Variants in GNAL observed in about 807,000 individuals in gnomAD.
The protein encoded by GNAL is guanine nucleotide-binding protein G(olf) subunit alpha.
A neutral mutation model predicts 55.1 loss-of-function variants in GNAL; 18 were observed. The ratio of observed to expected loss-of-function variants is 0.33; its 90% CI spans 0.23 to 0.48. The LOEUF is 0.48. Among genes scored for constraint, GNAL ranks in the 20% least tolerant of loss-of-function variants. GNAL has a pLI of 0.99. For synonymous variants in GNAL, 253 were observed against 237.0 expected (o/e 1.07, Z -0.62); for missense variants, 412 against 614.1 (o/e 0.67, Z 3.48).
At chr18:11,833,868 G>T (rs2035443506) in intron 5 of GNAL, among the ~76,000 whole-genome samples, 1 of 152,174 alleles carries the variant, frequency 6.6e-6, no homozygotes. Flanking sequence ...GAACTGTATG[G>T]AATGCCACTA....
At chr18:11,779,391 G>A (rs894661693) in intron 4 of GNAL, among the ~76,000 whole-genome samples, 1 of 152,186 alleles carries the variant, frequency 6.6e-6, no homozygotes, top group Non-Finnish European at 1.5e-5. Flanking sequence ...AGGCAGGATG[G>A]AATAGCAGTC....
chr18:11,713,625 C>T (rs1363710816), intron 1 of GNAL, among the ~76,000 whole-genome samples: 3 of 152,116 alleles, frequency 2.0e-5, no homozygotes, highest in Admixed American at 6.5e-5. Flanking sequence ...TGGCCATTGC[C>T]TGTTTATATA....
intron 4 of GNAL, among the ~76,000 whole-genome samples, chr18:11,795,661 C>G (rs1009875015): frequency 6.6e-6 from 1 of 152,154 alleles, no homozygotes; most frequent in Non-Finnish European, 1.5e-5. Flanking sequence ...TGCTTAGATA[C>G]TGAGCATGAT....
At chr18:11,721,804 T>C (rs146627033) in intron 1 of GNAL, among the ~76,000 whole-genome samples, 2,546 of 151,858 alleles carry the variant, frequency 0.017, 55 homozygotes, top group African/African-American at 0.052. Flanking sequence ...ACCTTGGCCT[T>C]GAACCCTGGA....
Position 11,881,444 on chromosome 18 carries a change from T to C in GNAL, c.*309T>C, listed in dbSNP as rs2036689594. Reference sequence around the variant, plus strand: ...CTTTATTGATTCATCGAGGAGAACTTGGTAGATGGGGAGAAAACACAGTTG... The same window carrying C: ...CTTTATTGATTCATCGAGGAGAACTCGGTAGATGGGGAGAAAACACAGTTG... On this transcript the variant is annotated 3_prime_UTR_variant, in exon 12 of 12. Coordinates refer to ENST00000334049, the MANE Select transcript of GNAL (RefSeq NM_182978.4). This position sits in a 1 kb window ranked among gnomAD's most constrained non-coding sequence, Gnocchi z 4.8. 3 of 261,040 alleles carry C rather than the reference T, an allele frequency of 1.1e-5. No homozygotes were observed. Among genetic ancestry groups the C allele is most frequent in the Admixed American group, 5.0e-5 (1 of 19,934 alleles). 16.2% of individuals were successfully genotyped at this position (261,040 alleles called of 1,614,324 possible).
At chr18:11,821,482 C>T (rs1166700076) in intron 4 of GNAL, among the ~76,000 whole-genome samples, 2 of 152,206 alleles carry the variant, frequency 1.3e-5, no homozygotes, top group South Asian at 4.1e-4. Context: ...TGTTAAAGTA[C>T]TGTGCACAGT....
chr18:11,784,261 G>A (rs1018689277), intron 4 of GNAL, among the ~76,000 whole-genome samples: 1 of 152,236 alleles, frequency 6.6e-6, no homozygotes, highest in African/African-American at 2.4e-5. Context: ...AGCAGGCGAG[G>A]TGTCCGCCCT....
intron 4 of GNAL, among the ~76,000 whole-genome samples, chr18:11,797,597 A>G (rs2143480647): frequency 6.6e-6 from 1 of 152,232 alleles, no homozygotes; most frequent in Admixed American, 6.5e-5. Context: ...TACACAAATT[A>G]GCTGGGCATG....
At chr18:11,777,840 A>G (rs2033825794) in intron 4 of GNAL, among the ~76,000 whole-genome samples, 1 of 152,168 alleles carries the variant, frequency 6.6e-6, no homozygotes, top group Non-Finnish European at 1.5e-5. Flanking sequence ...CACCCCCATC[A>G]GGAGGAGACT....
rs1482558153 is a variant in GNAL at position 11,880,128 on chromosome 18, ACG to A, written c.1231-859_1231-858del. Among the ~76,000 whole-genome samples the A allele has an allele frequency of 2.5e-4, 37 of 147,648 alleles. 1 individual carries two copies. The highest frequency in any genetic ancestry group is 6.9e-4 in the Admixed American group (10 of 14,466). On this transcript the variant is annotated intron_variant, in intron 11 of 11. Transcript: ENST00000334049. ...AAAAAGTAGCCAGGCGTGGTGGCGC[ACG>A]CCTGTAATCCCAGCTACTCAGGAGG...
intron 4 of GNAL, among the ~76,000 whole-genome samples, chr18:11,797,670 A>G (rs2034425770): frequency 6.6e-6 from 1 of 152,050 alleles, no homozygotes; most frequent in Non-Finnish European, 1.5e-5. Context: ...TGAGGTGGGA[A>G]GATTGCTGGA....
intron 1 of GNAL, among the ~76,000 whole-genome samples, chr18:11,713,012 G>A (rs2031873559): frequency 6.6e-6 from 1 of 152,154 alleles, no homozygotes; most frequent in East Asian, 1.9e-4. Flanking sequence ...ACACCATATG[G>A]GGCAACTGCG....
intron 4 of GNAL, among the ~76,000 whole-genome samples, chr18:11,813,058 A>G (rs2143580199): frequency 6.6e-6 from 1 of 152,190 alleles, no homozygotes; most frequent in East Asian, 1.9e-4. Context: ...GTTCGAGACC[A>G]GCCTGGCCAA....
At chr18:11,791,560 ACAAC>A (rs2034237727) in intron 4 of GNAL, among the ~76,000 whole-genome samples, 1 of 152,220 alleles carries the variant, frequency 6.6e-6, no homozygotes, top group Non-Finnish European at 1.5e-5. Context: ...GGGAGGAACT[ACAAC>A]CAACTCCACA....
intron 4 of GNAL, among the ~76,000 whole-genome samples, chr18:11,800,907 T>C (rs1716232808): frequency 1.3e-5 from 2 of 152,198 alleles, no homozygotes; most frequent in Non-Finnish European, 2.9e-5. Context: ...AAACATGGTC[T>C]AAACACCAAA....
intron 4 of GNAL, among the ~76,000 whole-genome samples, chr18:11,792,193 C>CTCCCTTCCTTCCT (rs2034257674): frequency 6.6e-6 from 1 of 151,964 alleles, no homozygotes; most frequent in Admixed American, 6.6e-5. Context: ...CCTTCCTTCC[C>CTCCCTTCCTTCCT]TCCCTTCCTT....
At chr18:11,788,074 A>T (rs1224027918) in intron 4 of GNAL, among the ~76,000 whole-genome samples, 1 of 152,080 alleles carries the variant, frequency 6.6e-6, no homozygotes, top group East Asian at 1.9e-4. Flanking sequence ...ACCTGGAGCC[A>T]TTAACCGTAA....
chr18:11,836,226 C>T (rs1280601397), intron 5 of GNAL, among the ~76,000 whole-genome samples: 1 of 152,008 alleles, frequency 6.6e-6, no homozygotes, highest in Non-Finnish European at 1.5e-5. Flanking sequence ...GTGGGCGGAT[C>T]CCCTGAGGTT....
intron 4 of GNAL, among the ~76,000 whole-genome samples, chr18:11,754,519 C>T (rs2032975569): frequency 6.6e-6 from 1 of 152,012 alleles, no homozygotes; most frequent in Admixed American, 6.6e-5. Flanking sequence ...TTAAGAAATA[C>T]TGATGGTGCT....
Sources: gnomAD v4.1 joint callset for allele counts (sites outside exome capture counted in the v4.1 genomes callset) on GRCh38, gnomAD v4.1.1 for gene constraint, Gnocchi (gnomAD v3.1) non-coding constraint, MANE v1.5 for transcripts, NCBI Gene and HGNC (gene_info 2026-07-23, HGNC 2026-07-21) for gene names.